Variants in KIAA1217 observed in about 807,000 individuals in gnomAD.
KIAA1217 encodes the protein KIAA1217, also known as sickle tail protein homolog.
Under a neutral mutation model 163.9 loss-of-function variants are expected in KIAA1217, and 88 were observed. The observed-to-expected ratio is 0.54, with a 90% confidence interval of 0.45 to 0.64. The LOEUF is 0.64. KIAA1217 is among the 30% of genes least tolerant of loss of function. The pLI, the probability that KIAA1217 is intolerant of heterozygous loss-of-function variation, is 0.00. For synonymous variants in KIAA1217, 903 were observed against 923.1 expected, an observed-to-expected ratio of 0.98 and a Z score of 0.39; for missense variants, 2,372 against 2,475.0, an observed-to-expected ratio of 0.96 and a Z score of 0.88.
intron 1 of KIAA1217, among the ~76,000 whole-genome samples, chr10:23,820,980 G>T (rs1422914332): frequency 6.6e-6 from 1 of 152,094 alleles, no homozygotes; most frequent in Non-Finnish European, 1.5e-5. Context: ...TGCTTATGTT[G>T]TGTGGGTGAG....
chr10:24,398,155 C>T (rs2056078252), intron 3 of KIAA1217, among the ~76,000 whole-genome samples: 1 of 152,170 alleles, frequency 6.6e-6, no homozygotes, highest in African/African-American at 2.4e-5. Context: ...AGTCAATTAA[C>T]ACATATTCGT....
intron 2 of KIAA1217, among the ~76,000 whole-genome samples, chr10:24,230,850 G>A (rs1310794090): frequency 6.6e-6 from 1 of 152,112 alleles, no homozygotes; most frequent in Non-Finnish European, 1.5e-5. Context: ...TAACAGAATG[G>A]GAAACTGAGG....
chr10:24,404,892 C>T (rs1004546742), intron 3 of KIAA1217, among the ~76,000 whole-genome samples: 1 of 152,192 alleles, frequency 6.6e-6, no homozygotes. Context: ...AGTTTACATA[C>T]TGTACCATTC....
rs189535399 is a variant in KIAA1217 at position 23,701,398 on chromosome 10, G to A, written c.-321+6164G>A. 2.5e-3 allele frequency among the ~76,000 whole-genome samples: 382 copies of A among 152,290 alleles called. 1 individual carries two copies. Among genetic ancestry groups the A allele is most frequent in the African/African-American group, 8.8e-3 (364 of 41,562 alleles). ...TGCGGTTGTGCCTTTCATCCTCAGG[G>A]TGAGAGAGCCACATTCTCTCATGTC... On this transcript the variant is annotated intron_variant, in intron 1 of 18. Transcript: ENST00000376462.
chr10:24,336,486 C>T (rs2046371985), intron 2 of KIAA1217, among the ~76,000 whole-genome samples: 1 of 152,170 alleles, frequency 6.6e-6, no homozygotes, highest in African/African-American at 2.4e-5. Context: ...AACTCCTCAT[C>T]TTGCACTCAG....
intron 1 of KIAA1217, among the ~76,000 whole-genome samples, chr10:23,932,386 T>C (rs1401161608): frequency 3.3e-5 from 5 of 151,654 alleles, no homozygotes; most frequent in Non-Finnish European, 7.4e-5. Context: ...CAGCAAAATG[T>C]ACAAATTGAA....
At chr10:24,375,640 T>G (rs2052377222) in intron 2 of KIAA1217, among the ~76,000 whole-genome samples, 1 of 152,216 alleles carries the variant, frequency 6.6e-6, no homozygotes, top group African/African-American at 2.4e-5. Flanking sequence ...CATGATTAAA[T>G]TAACCATGTC....
intron 2 of KIAA1217, among the ~76,000 whole-genome samples, chr10:24,363,170 C>T (rs2050255238): frequency 6.6e-6 from 1 of 152,166 alleles, no homozygotes; most frequent in Non-Finnish European, 1.5e-5. Context: ...ATAAATATCG[C>T]TTGTCATTCA....
chr10:24,447,639 ATACT>A (rs1223675447), intron 5 of KIAA1217, among the ~76,000 whole-genome samples: 14 of 152,314 alleles, frequency 9.2e-5, no homozygotes, highest in South Asian at 4.1e-4. Flanking sequence ...ATAGAAAAAG[ATACT>A]TACTTCAGCC....
At chr10:23,850,950 A>T (rs1333745058) in intron 1 of KIAA1217, among the ~76,000 whole-genome samples, 1 of 152,032 alleles carries the variant, frequency 6.6e-6, no homozygotes. Flanking sequence ...GCAAGGGGGA[A>T]ATCCACCCCC....
intron 1 of KIAA1217, among the ~76,000 whole-genome samples, chr10:23,929,616 G>A (rs1938052): frequency 0.17 from 25,278 of 152,074 alleles, 4,691 homozygotes; most frequent in African/African-American, 0.46. Flanking sequence ...CTCCAGCTGC[G>A]TCCATGTTGC....
At chr10:23,707,146 T>C (rs11818222) in intron 1 of KIAA1217, among the ~76,000 whole-genome samples, 26,455 of 152,092 alleles carry the variant, frequency 0.17, 2,439 homozygotes, top group Middle Eastern at 0.2. Context: ...AATAGAATAA[T>C]TACAAACTAA....
intron 1 of KIAA1217, among the ~76,000 whole-genome samples, chr10:23,927,360 G>GTGTGTGTGTGTGTGT (rs1554825053): frequency 6.6e-6 from 1 of 150,960 alleles, no homozygotes; most frequent in African/African-American, 2.5e-5. Context: ...GTGTGTGTGT[G>GTGTGTGTGTGTGTGT]GCCAAATGTT....
chr10:23,852,042 G>T (rs28815202), intron 1 of KIAA1217, among the ~76,000 whole-genome samples: 1,936 of 152,080 alleles, frequency 0.013, 55 homozygotes, highest in African/African-American at 0.044. Context: ...GTCAATTTTG[G>T]CTTTTGTTAC....
At chr10:24,054,792 G>T (rs1849767319) in intron 2 of KIAA1217, among the ~76,000 whole-genome samples, 1 of 152,106 alleles carries the variant, frequency 6.6e-6, no homozygotes, top group Admixed American at 6.5e-5. Context: ...AACCTGTACA[G>T]CAGATTACTG....
intron 1 of KIAA1217, among the ~76,000 whole-genome samples, chr10:23,724,898 G>T (rs577684958): frequency 6.6e-5 from 10 of 152,202 alleles, no homozygotes; most frequent in Admixed American, 5.2e-4. Flanking sequence ...TATCCCATTT[G>T]CAGGAGGACT....
intron 1 of KIAA1217, among the ~76,000 whole-genome samples, chr10:23,852,465 T>A (rs1416234743): frequency 6.6e-6 from 1 of 152,192 alleles, no homozygotes; most frequent in Non-Finnish European, 1.5e-5. Context: ...TCCAGCTTTG[T>A]TCTTTTGGCT....
intron 2 of KIAA1217, among the ~76,000 whole-genome samples, chr10:24,051,176 T>C (rs1167545518): frequency 6.6e-6 from 1 of 152,158 alleles, no homozygotes; most frequent in Non-Finnish European, 1.5e-5. Context: ...ATATGATGTT[T>C]GATTTTCCAT....
intron 2 of KIAA1217, among the ~76,000 whole-genome samples, chr10:24,089,075 T>C (rs1382203369): frequency 3.2e-5 from 4 of 125,980 alleles, no homozygotes; most frequent in African/African-American, 1.0e-4. Flanking sequence ...ATGTGTCTGT[T>C]GCCTGCATAA....
Sources: allele counts gnomAD v4.1 joint callset (sites outside exome capture counted in the v4.1 genomes callset), GRCh38; gene constraint gnomAD v4.1.1; transcripts MANE v1.5; gene names NCBI Gene and HGNC (gene_info 2026-07-23, HGNC 2026-07-21).